The following SFPQ variants were observed in gnomAD, a reference collection of about 807,000 sequenced individuals.
SFPQ encodes the protein splicing factor proline and glutamine rich, also known as splicing factor, proline- and glutamine-rich.
In SFPQ, 11 loss-of-function variants were observed where a neutral mutation model predicts 72.9. The observed-to-expected ratio is 0.15, with a 90% confidence interval of 0.09 to 0.25. SFPQ has a LOEUF of 0.25. Among genes scored for constraint, SFPQ ranks in the 10% least tolerant of loss-of-function variants. The pLI, the probability that SFPQ is intolerant of heterozygous loss-of-function variation, is 1.00. For synonymous variants in SFPQ, 506 were observed against 367.3 expected (o/e 1.38, Z -4.32); for missense variants, 847 against 993.3 (o/e 0.85, Z 1.98).
In SFPQ at chr1:35,183,612, A is replaced by C. The variant is rs908377666; in HGVS notation, c.*844T>G. ...TACATGAAAAGACTTCATGTTTAACATCTTTAATTCAAATGTAAAAGTTCA... is the reference window on the plus strand; with the variant it reads ...TACATGAAAAGACTTCATGTTTAACCTCTTTAATTCAAATGTAAAAGTTCA... On this transcript the variant is annotated 3_prime_UTR_variant, in exon 10 of 10. Transcript: ENST00000357214. 9.7e-7 allele frequency: 1 copy of C among 1,029,404 alleles called. No individual in the cohort carries two copies. The highest frequency in any genetic ancestry group is 5.7e-5 in the Admixed American group (1 of 17,474). The allele number at this position is 1,029,404 out of a possible 1,614,324, so 63.8% of individuals were successfully genotyped here.
downstream of SFPQ, chr1:35,179,470 A>T: frequency 9.5e-7 from 1 of 1,053,616 alleles, no homozygotes; most frequent in Non-Finnish European, 1.1e-6. Context: ...GACTGTTCTC[A>T]TTAAAAATAA....
In SFPQ at chr1:35,183,472, C is replaced by T. The variant is rs577692484; in HGVS notation, c.*984G>A. 1.4e-6 allele frequency: 1 copy of T among 725,040 alleles called. No homozygotes were observed. The highest frequency in any genetic ancestry group is 1.7e-6 in the Non-Finnish European group (1 of 584,950). 44.9% of individuals were successfully genotyped at this position (725,040 alleles called of 1,614,324 possible). A position where few individuals can be genotyped will look rare whatever the true frequency, so the allele number is the denominator to read the frequency against. The stretch of plus-strand genomic sequence containing the variant: ...GATCTCATGATTTGCCCACCTCAGC[C>T]TCCCAAAGTGCTGGGATTACAGGCG... On this transcript the variant is annotated 3_prime_UTR_variant, in exon 10 of 10. Transcript: ENST00000357214.
intron 5 of SFPQ, among the ~76,000 whole-genome samples, chr1:35,176,827 C>A (rs907174824): frequency 4.7e-5 from 7 of 148,412 alleles, no homozygotes; most frequent in African/African-American, 1.0e-4. Context: ...TGAGCCAAGA[C>A]TGTGCACCAC....
At chr1:35,179,062 T>C (rs1639362897), downstream of SFPQ, 3 of 1,057,448 alleles carry the variant, frequency 2.8e-6, no homozygotes, top group Non-Finnish European at 3.4e-6. Context: ...CTTTCCCTAA[T>C]AGGCAGCCAT....
chr1:35,181,011 A>G, downstream of SFPQ: 1 of 1,065,224 alleles, frequency 9.4e-7, no homozygotes, highest in Non-Finnish European at 1.1e-6. Flanking sequence ...GATGTAAGCT[A>G]GCTTTACCAT....
chr1:35,188,979 C>T (rs760550613), intron 6 of SFPQ, 24 bp downstream of exon 6: 2 of 1,580,760 alleles, frequency 1.3e-6, no homozygotes, highest in African/African-American at 1.3e-5. Flanking sequence ...TAAATGAAGG[C>T]TTAAACCTTA....
chr1:35,192,151 C>CGGGGGCGGGGGCGAGGAG (rs1553154295), intron 1 of SFPQ, 71 bp downstream of exon 1: 27 of 1,217,826 alleles, frequency 2.2e-5, no homozygotes, highest in African/African-American at 9.5e-5. Context: ...AAGCCCAGCG[C>CGGGGGCGGGGGCGAGGAG]GGGGGCGGGG....
rs1207325648 is a variant in SFPQ, at chr1:35,192,282, G to C, written c.768C>G (p.His256Gln). The C allele has an allele frequency of 6.8e-7, 1 of 1,462,890 alleles. No individual in the cohort carries two copies. Among genetic ancestry groups the C allele is most frequent in the Non-Finnish European group, 9.0e-7 (1 of 1,115,420 alleles). The allele number at this position is 1,462,890 out of a possible 1,614,324, so 90.6% of individuals were successfully genotyped here. A position where few individuals can be genotyped will look rare whatever the true frequency, so the allele number is the denominator to read the frequency against. The part of the protein sequence containing the change: ...QHHPPYHQQH[H>Q]QGPPPGGPGG... Reference sequence around the variant, plus strand: ...CGGGCCCGCCGGGCGGGGGCCCCTGGTGATGCTGCTGGTGGTAGGGCGGGT... The same window carrying C: ...CGGGCCCGCCGGGCGGGGGCCCCTGCTGATGCTGCTGGTGGTAGGGCGGGT... The change falls in exon 1 of 10, where the codon CAC (histidine) becomes CAG (glutamine). Residue 256 changes from histidine to glutamine, a missense_variant. Physicochemically the swap from His to Gln is conservative, Grantham distance 24. This residue lies in a region of SFPQ where 498 missense variants were observed against 405.1 expected (regional missense o/e 1.23). Transcript: ENST00000357214.
At position 35,183,119 on chromosome 1, in the gene SFPQ, A is replaced by G; in HGVS notation, c.*1337T>C. The G allele has an allele frequency of 9.7e-7, 1 of 1,028,806 alleles. No individual in the cohort carries two copies. Among genetic ancestry groups the G allele is most frequent in the Non-Finnish European group, 1.2e-6 (1 of 856,182 alleles). 63.7% of individuals were successfully genotyped at this position (1,028,806 alleles called of 1,614,324 possible). A position where few individuals can be genotyped will look rare whatever the true frequency, so the allele number is the denominator to read the frequency against. On this transcript the variant is annotated 3_prime_UTR_variant, in exon 10 of 10. Transcript: ENST00000357214. ...CACTAGCTCTTAGAAGAGAACCAAT[A>G]GATTTTTATAGTCCTATAGATTTTG...
At chr1:35,184,710 C>A in intron 9 of SFPQ, 117 bp from the exon 10 acceptor site, 1 of 1,345,090 alleles carries the variant, frequency 7.4e-7, no homozygotes, top group South Asian at 1.9e-5. Context: ...ATGAGTCGAT[C>A]CACAGGTACC....
intron 7 of SFPQ, 88 bp downstream of exon 7, chr1:35,187,885 T>C: frequency 1.3e-6 from 1 of 794,800 alleles, no homozygotes; most frequent in South Asian, 1.5e-5. Context: ...ATAACTGTAA[T>C]TTGATATTAA....
chr1:35,193,073 G>C lies in SFPQ; in HGVS notation c.-24C>G. The C allele has an allele frequency of 1.3e-6, 2 of 1,525,388 alleles. No homozygotes were observed. The highest frequency in any genetic ancestry group is 1.7e-6 in the Non-Finnish European group (2 of 1,147,672). 94.5% of individuals were successfully genotyped at this position (1,525,388 alleles called of 1,614,324 possible). A position where few individuals can be genotyped will look rare whatever the true frequency, so the allele number is the denominator to read the frequency against. Reference sequence around the variant, plus strand: ...ATGTCTGTGGTCAAGGGGCGGTCGAGGCAAAAGCGAAGAAGACGCTCAGGA... The same window carrying C: ...ATGTCTGTGGTCAAGGGGCGGTCGACGCAAAAGCGAAGAAGACGCTCAGGA... On this transcript the variant is annotated 5_prime_UTR_variant, in exon 1 of 10. Transcript: ENST00000357214.
Position 35,192,526 on chromosome 1 carries a change from G to C in SFPQ, c.524C>G (p.Pro175Arg). 7.5e-7 allele frequency: 1 copy of C among 1,329,820 alleles called. No individual in the cohort carries two copies. The highest frequency in any genetic ancestry group is 9.6e-7 in the Non-Finnish European group (1 of 1,046,696). 82.4% of individuals were successfully genotyped at this position (1,329,820 alleles called of 1,614,324 possible). A position where few individuals can be genotyped will look rare whatever the true frequency, so the allele number is the denominator to read the frequency against. Residue 175 changes from proline (P) to arginine (R), a missense_variant, in exon 1 of 10, where the codon CCT becomes CGT. Coordinates refer to ENST00000357214, the MANE Select transcript of SFPQ (RefSeq NM_005066.3). The part of the protein sequence containing the change: ...PPPTPPSSGV[P>R]TTPPQAGGPP... ...GCCTCCGGCCTGAGGAGGTGTGGTA[G>C]GGACCCCGCTGCTTGGCGGGGTGGG... is the stretch of plus-strand genomic sequence containing the variant.
intron 2 of SFPQ, 152 bp downstream of exon 2, chr1:35,191,189 T>C (rs1259232630): frequency 1.2e-6 from 1 of 817,928 alleles, no homozygotes; most frequent in Non-Finnish European, 1.9e-6. Context: ...AATTATGCAT[T>C]ATACCGCAAG....
downstream of SFPQ, chr1:35,178,575 CCTCA>C (rs1444853675): frequency 3.8e-6 from 4 of 1,058,666 alleles, no homozygotes; most frequent in African/African-American, 1.6e-5. Flanking sequence ...CCATCTAAGT[CCTCA>C]CTGAGTTTTA....
chr1:35,189,419 T>C, intron 4 of SFPQ, 37 bp from the exon 5 acceptor site: 1 of 1,509,988 alleles, frequency 6.6e-7, no homozygotes, highest in South Asian at 1.1e-5. Context: ...AACCGATTTG[T>C]GAATGCATAC....
chr1:35,184,409 TA>T lies in SFPQ; in HGVS notation c.*46del. The T allele has an allele frequency of 6.3e-7, 1 of 1,592,160 alleles. No homozygotes were observed. The highest frequency in any genetic ancestry group is 1.2e-5 in the South Asian group (1 of 86,336). ...TGCAAGAATTTAAAAGATTGGTATC[TA>T]AACAAAAAAACAAAACAAACTGGAA... On this transcript the variant is annotated 3_prime_UTR_variant, in exon 10 of 10. Coordinates refer to ENST00000357214, the MANE Select transcript of SFPQ (RefSeq NM_005066.3).
At position 35,193,075 on chromosome 1, in the gene SFPQ, C is replaced by A. The variant is rs756285357; in HGVS notation, c.-26G>T. On this transcript the variant is annotated 5_prime_UTR_variant, in exon 1 of 10. Transcript: ENST00000357214. ...GTCTGTGGTCAAGGGGCGGTCGAGG[C>A]AAAAGCGAAGAAGACGCTCAGGAAA... 6.6e-7 allele frequency: 1 copy of A among 1,524,756 alleles called. No homozygotes were observed. The highest frequency in any genetic ancestry group is 1.2e-5 in the South Asian group (1 of 83,610). 94.5% of individuals were successfully genotyped at this position (1,524,756 alleles called of 1,614,324 possible). A position where few individuals can be genotyped will look rare whatever the true frequency, so the allele number is the denominator to read the frequency against.
chr1:35,181,622 G>C (rs982208784), downstream of SFPQ: 2 of 1,060,100 alleles, frequency 1.9e-6, no homozygotes, highest in Non-Finnish European at 2.3e-6. Context: ...AAGATTAGGA[G>C]AAGTATAAAA....
Sources: allele counts gnomAD v4.1 joint callset (sites outside exome capture counted in the v4.1 genomes callset), GRCh38; gene constraint gnomAD v4.1.1; regional missense constraint gnomAD v4.1.1; transcripts MANE v1.5; gene names NCBI Gene and HGNC (gene_info 2026-07-23, HGNC 2026-07-21).